CAMK1D: variants seen among roughly 807,000 people sequenced by gnomAD.
CAMK1D encodes calcium/calmodulin dependent protein kinase ID, also known as calcium/calmodulin-dependent protein kinase type 1D.
A neutral mutation model predicts 47.7 loss-of-function variants in CAMK1D; 9 were observed. That is an observed-to-expected ratio of 0.19 (90% CI 0.11 to 0.33). The LOEUF (loss-of-function observed/expected upper bound fraction) is 0.33, where lower values mean the gene tolerates loss of function less well. Among genes scored for constraint, CAMK1D ranks in the 10% least tolerant of loss-of-function variants. CAMK1D has a pLI of 1.00. For synonymous variants in CAMK1D, 184 were observed against 184.9 expected (o/e 0.99, Z 0.04); for missense variants, 291 against 488.7 (o/e 0.60, Z 3.81).
chr10:12,397,976 G>A (rs988118022), intron 1 of CAMK1D, among the ~76,000 whole-genome samples: 7 of 152,092 alleles, frequency 4.6e-5, no homozygotes, highest in African/African-American at 1.2e-4. Context: ...TTGTAAAGCC[G>A]TCTACCCCCT....
chr10:12,766,290 CTGCCATCCCCA>C (rs1836757522), intron 4 of CAMK1D, among the ~76,000 whole-genome samples: 1 of 143,412 alleles, frequency 7.0e-6, no homozygotes, highest in Non-Finnish European at 1.5e-5. Flanking sequence ...GCCCCGTGCC[CTGCCATCCCCA>C]CCCTAATCTT....
At position 12,353,216 on chromosome 10, in the gene CAMK1D, G is replaced by A. The variant is rs374859318; in HGVS notation, c.92+3306G>A. ...AAATCTAACACAAATGAAAGGCATC[G>A]ACAATTAACCACTGGCATTCATTTC... On this transcript the variant is annotated intron_variant, in intron 1 of 10. Coordinates refer to ENST00000619168, the MANE Select transcript of CAMK1D (RefSeq NM_153498.4). Among the ~76,000 whole-genome samples the A allele has an allele frequency of 3.9e-5, 6 of 152,240 alleles. No individual in the cohort carries two copies. The East Asian group carries it at 7.7e-4, about 20-fold the overall frequency.
At chr10:12,793,998 G>A (rs1382421064) in intron 6 of CAMK1D, among the ~76,000 whole-genome samples, 1 of 152,214 alleles carries the variant, frequency 6.6e-6, no homozygotes, top group Non-Finnish European at 1.5e-5. Context: ...AAGAGCAGTA[G>A]GGAGGGTTTT....
At chr10:12,613,656 T>G (rs1226529435) in intron 2 of CAMK1D, among the ~76,000 whole-genome samples, 1 of 152,182 alleles carries the variant, frequency 6.6e-6, no homozygotes, top group Non-Finnish European at 1.5e-5. Context: ...TTTTTTGTAT[T>G]TTTAGTAGAG....
chr10:12,482,770 C>T (rs112541584), intron 1 of CAMK1D, among the ~76,000 whole-genome samples: 1 of 152,152 alleles, frequency 6.6e-6, no homozygotes, highest in Admixed American at 6.6e-5. Flanking sequence ...GACTGCCAGG[C>T]GATAGGGCTA....
At chr10:12,385,619 A>G (rs1201704133) in intron 1 of CAMK1D, among the ~76,000 whole-genome samples, 1 of 152,304 alleles carries the variant, frequency 6.6e-6, no homozygotes, top group Non-Finnish European at 1.5e-5. Flanking sequence ...TTGAAGAGTA[A>G]TGGAAAATGA....
chr10:12,356,825 G>T (rs1052274481), intron 1 of CAMK1D, among the ~76,000 whole-genome samples: 1 of 151,696 alleles, frequency 6.6e-6, no homozygotes, highest in Admixed American at 6.6e-5. Context: ...GGTAGAGCTT[G>T]TTCCCAGAGA....
At chr10:12,356,862 C>T (rs1482698648) in intron 1 of CAMK1D, among the ~76,000 whole-genome samples, 1 of 151,926 alleles carries the variant, frequency 6.6e-6, no homozygotes, top group Non-Finnish European at 1.5e-5. Flanking sequence ...GTCTCAAGTA[C>T]AAATTTCTGG....
chr10:12,711,512 A>G (rs1833935544), intron 3 of CAMK1D, among the ~76,000 whole-genome samples: 1 of 152,166 alleles, frequency 6.6e-6, no homozygotes, highest in Non-Finnish European at 1.5e-5. Flanking sequence ...ATGTTCATTT[A>G]TATTTTTCTT....
At chr10:12,601,911 C>T (rs947011241) in intron 2 of CAMK1D, among the ~76,000 whole-genome samples, 5 of 152,216 alleles carry the variant, frequency 3.3e-5, no homozygotes, top group African/African-American at 1.2e-4. Context: ...CAGCTGAGCT[C>T]TTAGGAGGAA....
At chr10:12,814,111 A>C in intron 6 of CAMK1D, 84 bp from the exon 7 acceptor site, 1 of 881,858 alleles carries the variant, frequency 1.1e-6, no homozygotes, top group Non-Finnish European at 1.9e-6. Flanking sequence ...CTCAGTTGGT[A>C]ATGTCTCTTC....
chr10:12,553,371 G>T lies in CAMK1D; in HGVS notation c.224+15G>T, dbSNP rs1412908025. The stretch of plus-strand genomic sequence containing the variant: ...GTCCTGAGAAAGTAAGTGCTGGAGG[G>T]CAACCCTCCTCCCTTCCCTACCTCC... On this transcript the variant is annotated intron_variant, in intron 2 of 10. Transcript: ENST00000619168. 1.3e-6 allele frequency: 2 copies of T among 1,587,182 alleles called. No homozygotes were observed. The highest frequency in any genetic ancestry group is 1.7e-6 in the Non-Finnish European group (2 of 1,155,620).
intron 2 of CAMK1D, among the ~76,000 whole-genome samples, chr10:12,623,083 T>C (rs1211903682): frequency 9.0e-5 from 8 of 89,296 alleles, no homozygotes; most frequent in Admixed American, 2.5e-4. Flanking sequence ...CTTCCTTCCT[T>C]CCTCCCTCCC....
At chr10:12,532,070 G>C (rs1305697516) in intron 1 of CAMK1D, among the ~76,000 whole-genome samples, 6 of 152,132 alleles carry the variant, frequency 3.9e-5, no homozygotes, top group Non-Finnish European at 8.8e-5. Context: ...ATTTCCAGTT[G>C]ACAGCCCTCT....
chr10:12,693,823 C>T (rs1038909127), intron 3 of CAMK1D, among the ~76,000 whole-genome samples: 2 of 142,590 alleles, frequency 1.4e-5, no homozygotes, highest in East Asian at 2.0e-4. Context: ...TTGGAGGCTA[C>T]GGTGAACTAA....
chr10:12,795,063 G>T (rs1226374984), intron 6 of CAMK1D, among the ~76,000 whole-genome samples: 1 of 152,142 alleles, frequency 6.6e-6, no homozygotes, highest in African/African-American at 2.4e-5. Flanking sequence ...TAAGTTTGAG[G>T]CTGGGGGTCT....
At chr10:12,815,814 C>T (rs1196413258) in intron 7 of CAMK1D, among the ~76,000 whole-genome samples, 2 of 152,270 alleles carry the variant, frequency 1.3e-5, no homozygotes, top group African/African-American at 4.8e-5. Context: ...ATCCACAGCA[C>T]CTAGCCCAGG....
intron 2 of CAMK1D, among the ~76,000 whole-genome samples, chr10:12,558,389 A>T (rs997707934): frequency 6.6e-6 from 1 of 152,140 alleles, no homozygotes; most frequent in Non-Finnish European, 1.5e-5. Context: ...CCCCATCTCT[A>T]TTCAAACTAC....
intron 3 of CAMK1D, among the ~76,000 whole-genome samples, chr10:12,729,476 A>AT (rs890879939): frequency 1.3e-5 from 2 of 151,458 alleles, no homozygotes; most frequent in African/African-American, 2.4e-5. Flanking sequence ...TCTCTACAGA[A>AT]TTTTTTTTTA....
Sources: gnomAD v4.1 joint callset for allele counts (sites outside exome capture counted in the v4.1 genomes callset) on GRCh38, gnomAD v4.1.1 for gene constraint, MANE v1.5 for transcripts, NCBI Gene and HGNC (gene_info 2026-07-23, HGNC 2026-07-21) for gene names.